GABRG3: variants seen among roughly 807,000 people sequenced by gnomAD.
GABRG3 encodes gamma-aminobutyric acid receptor subunit gamma-3.
A neutral mutation model predicts 48.8 loss-of-function variants in GABRG3; 25 were observed. That is an observed-to-expected ratio of 0.51 (90% confidence interval 0.37 to 0.72). The LOEUF (loss-of-function observed/expected upper bound fraction) is 0.72, where lower values mean the gene tolerates loss of function less well. Ranked by LOEUF, GABRG3 falls within the 30% of genes least tolerant of loss-of-function variation. The pLI is 0.00. For synonymous variants in GABRG3, 227 were observed against 217.6 expected, an observed-to-expected ratio of 1.04 and a Z score of -0.38; for missense variants, 394 against 577.9, an observed-to-expected ratio of 0.68 and a Z score of 3.26.
intron 3 of GABRG3, among the ~76,000 whole-genome samples, chr15:27,115,034 A>G (rs1897617687): frequency 6.6e-6 from 1 of 152,204 alleles, no homozygotes; most frequent in African/African-American, 2.4e-5. Context: ...TTGCTGTTAA[A>G]ATTTATCTTT....
At chr15:27,424,425 G>T (rs545070436) in intron 5 of GABRG3, among the ~76,000 whole-genome samples, 2 of 152,206 alleles carry the variant, frequency 1.3e-5, no homozygotes, top group South Asian at 4.2e-4. Context: ...TAGCTGCTGT[G>T]TCCTCACATG....
chr15:27,023,904 T>A (rs1895941036), intron 2 of GABRG3, among the ~76,000 whole-genome samples: 1 of 152,178 alleles, frequency 6.6e-6, no homozygotes, highest in Non-Finnish European at 1.5e-5. Flanking sequence ...GGTATATCAT[T>A]TTTCTTCCCA....
chr15:27,335,612 A>G (rs1453452158), intron 5 of GABRG3, among the ~76,000 whole-genome samples: 1 of 152,100 alleles, frequency 6.6e-6, no homozygotes, highest in Non-Finnish European at 1.5e-5. Context: ...CTGCACCTCC[A>G]TGAGGTATCT....
At chr15:27,444,501 C>T (rs1241049420) in intron 5 of GABRG3, among the ~76,000 whole-genome samples, 1 of 152,042 alleles carries the variant, frequency 6.6e-6, no homozygotes, top group Non-Finnish European at 1.5e-5. Flanking sequence ...CACTGGACTT[C>T]GAAGTTTCTG....
chr15:27,152,986 G>A (rs1898347578), intron 3 of GABRG3, among the ~76,000 whole-genome samples: 1 of 151,486 alleles, frequency 6.6e-6, no homozygotes, highest in South Asian at 2.1e-4. Context: ...TCAGCCTCCT[G>A]AGTAGCTGGG....
intron 6 of GABRG3, among the ~76,000 whole-genome samples, chr15:27,500,991 C>CG (rs112806577): frequency 1.4e-4 from 18 of 132,160 alleles, no homozygotes; most frequent in Middle Eastern, 5.6e-3. Context: ...CTCACTCTGT[C>CG]CCCAGGCTGG....
rs1448779459 is a variant in GABRG3, at chr15:27,540,152, A to G, written c.*7271A>G. 2 of 152,208 alleles carry G rather than the reference A, an allele frequency of 1.3e-5. No individual in the cohort carries two copies. The highest frequency in any genetic ancestry group is 2.9e-5 in the Non-Finnish European group (2 of 68,030). 9.4% of individuals were successfully genotyped at this position (152,208 alleles called of 1,614,324 possible). A position where few individuals can be genotyped will look rare whatever the true frequency, so the allele number is the denominator to read the frequency against. On this transcript the variant is annotated 3_prime_UTR_variant, in exon 10 of 10. Transcript: ENST00000615808. The stretch of plus-strand genomic sequence containing the variant: ...TACTCCAAAATTTTGCTCGCCTAAA[A>G]CATTTCCAGAACTGCTGTGTTCCCC...
intron 2 of GABRG3, among the ~76,000 whole-genome samples, chr15:27,008,454 T>C (rs528918998): frequency 3.3e-5 from 5 of 152,246 alleles, no homozygotes; most frequent in African/African-American, 1.2e-4. Context: ...TTCTTCCAAA[T>C]ATAGATGGGA....
At chr15:27,393,772 T>G (rs796145140) in intron 5 of GABRG3, among the ~76,000 whole-genome samples, 4 of 152,186 alleles carry the variant, frequency 2.6e-5, no homozygotes, top group African/African-American at 9.6e-5. Flanking sequence ...GCATATACTA[T>G]GGAGTGGCAT....
intron 5 of GABRG3, among the ~76,000 whole-genome samples, chr15:27,332,120 A>T (rs1221346290): frequency 6.6e-6 from 1 of 152,226 alleles, no homozygotes; most frequent in Non-Finnish European, 1.5e-5. Flanking sequence ...ATTTGGAGTG[A>T]TGGAGGATAC....
chr15:27,088,849 A>T (rs188443862), intron 3 of GABRG3, among the ~76,000 whole-genome samples: 1 of 152,106 alleles, frequency 6.6e-6, no homozygotes. Context: ...GCGGTGCTGC[A>T]CTTTGCAGTA....
chr15:27,016,601 C>T (rs1028747922), intron 2 of GABRG3, among the ~76,000 whole-genome samples: 6 of 150,428 alleles, frequency 4.0e-5, no homozygotes, highest in African/African-American at 1.5e-4. Context: ...TTTTATTCTA[C>T]TTATGGTTCT....
intron 6 of GABRG3, among the ~76,000 whole-genome samples, chr15:27,495,036 A>G (rs1196765599): frequency 1.3e-5 from 2 of 151,936 alleles, no homozygotes; most frequent in Non-Finnish European, 2.9e-5. Context: ...TTTATTTCAC[A>G]CTCTACTAGT....
rs1319564145 is a variant in GABRG3 at position 27,538,987 on chromosome 15, CACTA to C, written c.*6109_*6112del. On this transcript the variant is annotated 3_prime_UTR_variant, in exon 10 of 10. Coordinates refer to ENST00000615808, the MANE Select transcript of GABRG3 (RefSeq NM_033223.5). The stretch of plus-strand genomic sequence containing the variant: ...AGTCTTCTCAAAATGACAACATTGT[CACTA>C]ACCACTTTTTAAAAAAGAACTGAAA... 1 of 152,260 alleles carries C rather than the reference CACTA, an allele frequency of 6.6e-6. No individual in the cohort carries two copies. The highest frequency in any genetic ancestry group is 1.5e-5 in the Non-Finnish European group (1 of 68,020). The allele number at this position is 152,260 out of a possible 1,614,324, so 9.4% of individuals were successfully genotyped here.
chr15:27,438,737 G>A lies in GABRG3; in HGVS notation c.575-41913G>A, dbSNP rs555154909. On this transcript the variant is annotated intron_variant, in intron 5 of 9. Transcript: ENST00000615808. ...TCACCAAGAGAATGCCAAGAGCTAC[G>A]TTTTTCTTCAAAACAGCCACTGTTG... Among the ~76,000 whole-genome samples, 21 of 152,282 alleles carry A rather than the reference G, an allele frequency of 1.4e-4. 1 individual carries two copies. Among genetic ancestry groups the A allele is most frequent in the East Asian group, 3.9e-4 (2 of 5,176 alleles).
At chr15:27,171,676 C>G (rs1052834464) in intron 3 of GABRG3, among the ~76,000 whole-genome samples, 2 of 151,890 alleles carry the variant, frequency 1.3e-5, no homozygotes, top group African/African-American at 4.8e-5. Flanking sequence ...CTGTTTCTGT[C>G]TAGTATGTGT....
At chr15:27,177,909 G>A (rs963433230) in intron 3 of GABRG3, among the ~76,000 whole-genome samples, 8 of 152,114 alleles carry the variant, frequency 5.3e-5, no homozygotes, top group African/African-American at 1.7e-4. Flanking sequence ...GGTGGTCAGA[G>A]GATGGAAAAA....
At chr15:27,268,889 T>C (rs150424553) in intron 3 of GABRG3, among the ~76,000 whole-genome samples, 1 of 152,312 alleles carries the variant, frequency 6.6e-6, no homozygotes, top group East Asian at 1.9e-4. Flanking sequence ...CCAGAAACTC[T>C]TCTAAGCCAG....
chr15:27,482,713 T>C (rs2150845790), intron 6 of GABRG3, among the ~76,000 whole-genome samples: 1 of 152,294 alleles, frequency 6.6e-6, no homozygotes, highest in Non-Finnish European at 1.5e-5. Context: ...TTGAAAAGGA[T>C]GGATATGATT....
Sources: gnomAD v4.1 joint callset for allele counts (sites outside exome capture counted in the v4.1 genomes callset) on GRCh38, gnomAD v4.1.1 for gene constraint, MANE v1.5 for transcripts, NCBI Gene and HGNC (gene_info 2026-07-23, HGNC 2026-07-21) for gene names.